Variants in SUMF1 observed in about 807,000 individuals in gnomAD.
SUMF1 encodes the protein formylglycine-generating enzyme.
Under a neutral mutation model 47.6 loss-of-function variants are expected in SUMF1, and 48 were observed. The observed-to-expected ratio is 1.01, with a 90% confidence interval of 0.80 to 1.28. The LOEUF is 1.28. SUMF1 is among the 50% of genes most tolerant of loss of function. SUMF1 has a pLI of 0.00. For missense variants in SUMF1, 571 were observed against 485.4 expected (o/e 1.18, Z -1.66); for synonymous variants, 230 against 192.1 (o/e 1.20, Z -1.63).
chr3:4,285,739 T>G (rs1416404802), intron 8 of SUMF1, among the ~76,000 whole-genome samples: 1 of 152,146 alleles, frequency 6.6e-6, no homozygotes, highest in Non-Finnish European at 1.5e-5. Context: ...TGATCAGTAC[T>G]GTATGAGGGA....
intron 9 of SUMF1, among the ~76,000 whole-genome samples, chr3:4,057,343 A>T (rs1333605191): frequency 6.6e-6 from 1 of 152,112 alleles, no homozygotes; most frequent in South Asian, 2.1e-4. Flanking sequence ...CACTCACTGC[A>T]TAAGGCGTGA....
intron 8 of SUMF1, among the ~76,000 whole-genome samples, chr3:4,280,814 C>CGT (rs56919301): frequency 0.026 from 3,609 of 137,732 alleles, 59 homozygotes; most frequent in Middle Eastern, 0.048. Flanking sequence ...TGGCATTCAC[C>CGT]GTGTGTGTGT....
At chr3:4,127,602 C>G (rs1311139540) in intron 8 of SUMF1, among the ~76,000 whole-genome samples, 1 of 152,126 alleles carries the variant, frequency 6.6e-6, no homozygotes, top group Non-Finnish European at 1.5e-5. Context: ...TGGACTGCCT[C>G]TCCTTGCTCC....
At chr3:4,315,130 C>G (rs1166928120) in intron 8 of SUMF1, among the ~76,000 whole-genome samples, 2 of 152,130 alleles carry the variant, frequency 1.3e-5, no homozygotes, top group Non-Finnish European at 2.9e-5. Context: ...ATTACAAATA[C>G]ATAGTATCAA....
chr3:4,247,807 G>A (rs1169278239), intron 8 of SUMF1, among the ~76,000 whole-genome samples: 2 of 152,138 alleles, frequency 1.3e-5, no homozygotes, highest in Non-Finnish European at 2.9e-5. Flanking sequence ...CACTGATCCA[G>A]CAACCAAGAT....
chr3:4,084,035 A>C (rs547551023), intron 8 of SUMF1, among the ~76,000 whole-genome samples: 2 of 152,274 alleles, frequency 1.3e-5, no homozygotes, highest in South Asian at 4.1e-4. Context: ...ATGGAATAGG[A>C]AAGAAAAATG....
intron 9 of SUMF1, among the ~76,000 whole-genome samples, chr3:4,048,586 C>T (rs1695047963): frequency 1.3e-5 from 2 of 151,956 alleles, no homozygotes; most frequent in South Asian, 2.1e-4. Context: ...TTATAGCCCC[C>T]ACCCCAGTTA....
intron 9 of SUMF1, among the ~76,000 whole-genome samples, chr3:4,040,914 T>C (rs1203364062): frequency 2.0e-5 from 3 of 152,128 alleles, no homozygotes; most frequent in African/African-American, 7.2e-5. Flanking sequence ...ACCAAAAGTG[T>C]TCAAGCAAAG....
chr3:4,055,667 G>A (rs989865298), intron 9 of SUMF1, among the ~76,000 whole-genome samples: 1 of 152,062 alleles, frequency 6.6e-6, no homozygotes, highest in African/African-American at 2.4e-5. Flanking sequence ...ATTTTTTGTA[G>A]AGATGGGGTC....
intron 6 of SUMF1, among the ~76,000 whole-genome samples, chr3:4,415,157 G>A (rs1701668840): frequency 1.3e-5 from 2 of 150,792 alleles, no homozygotes; most frequent in East Asian, 2.0e-4. Context: ...AACCCAGGAG[G>A]CGGAGGTTGG....
chr3:4,041,172 A>C (rs959543082), intron 9 of SUMF1, among the ~76,000 whole-genome samples: 14 of 152,196 alleles, frequency 9.2e-5, no homozygotes, highest in African/African-American at 3.4e-4. Context: ...TCCGGAGTTC[A>C]AGCAATTCTC....
chr3:4,463,333 T>G (rs1473898262), intron 1 of SUMF1, among the ~76,000 whole-genome samples: 1 of 151,982 alleles, frequency 6.6e-6, no homozygotes, highest in African/African-American at 2.4e-5. Flanking sequence ...CTACTAAAAA[T>G]ACAAAAATTG....
At chr3:4,265,088 G>A (rs1461505827) in intron 8 of SUMF1, among the ~76,000 whole-genome samples, 2 of 129,682 alleles carry the variant, frequency 1.5e-5, no homozygotes, top group African/African-American at 6.0e-5. Context: ...AGTGAGCCAA[G>A]ATTGCGCCAC....
Position 4,338,226 on chromosome 3 carries a change from A to G in SUMF1, c.1014+38104T>C, listed in dbSNP as rs556819514. On this transcript the variant is annotated intron_variant and NMD_transcript_variant, in intron 8 of 12. Transcript: ENST00000448413. ...GGAGCTACAATCTGCAGGGAGCTAC[A>G]ATCACACCATGCACTCCAGCCTGGC... Among the ~76,000 whole-genome samples, 419 of 152,208 alleles carry G rather than the reference A, an allele frequency of 2.8e-3. 1 individual carries two copies. The highest frequency in any genetic ancestry group is 9.5e-3 in the African/African-American group (396 of 41,536).
chr3:4,258,874 C>A (rs898282046), intron 8 of SUMF1, among the ~76,000 whole-genome samples: 6 of 136,104 alleles, frequency 4.4e-5, no homozygotes, highest in Non-Finnish European at 9.7e-5. Flanking sequence ...AAATGTCCAA[C>A]AATGATAGAC....
At chr3:4,069,126 C>G (rs947489896) in intron 8 of SUMF1, among the ~76,000 whole-genome samples, 1 of 152,162 alleles carries the variant, frequency 6.6e-6, no homozygotes, top group East Asian at 1.9e-4. Flanking sequence ...ACACTGTCCT[C>G]AAGAGCTTAG....
intron 8 of SUMF1, among the ~76,000 whole-genome samples, chr3:4,271,362 G>A (rs1401076588): frequency 2.6e-5 from 4 of 152,054 alleles, no homozygotes; most frequent in African/African-American, 4.8e-5. Context: ...ACCAAATAAG[G>A]AGGTCAAGCC....
chr3:4,465,196 G>T (rs1287392722), intron 1 of SUMF1, among the ~76,000 whole-genome samples: 2 of 152,216 alleles, frequency 1.3e-5, no homozygotes, highest in Non-Finnish European at 2.9e-5. Context: ...GGACAGACTG[G>T]CTTGGCGCGG....
chr3:4,294,392 A>G (rs1462482192), intron 8 of SUMF1, among the ~76,000 whole-genome samples: 2 of 152,080 alleles, frequency 1.3e-5, no homozygotes, highest in African/African-American at 4.8e-5. Flanking sequence ...GCAAGACCCT[A>G]TCTCTACAAA....
Sources: allele counts gnomAD v4.1 joint callset (sites outside exome capture counted in the v4.1 genomes callset), GRCh38; gene constraint gnomAD v4.1.1; transcripts MANE v1.5; gene names NCBI Gene and HGNC (gene_info 2026-07-23, HGNC 2026-07-21).